UBAC2: variants seen among roughly 807,000 people sequenced by gnomAD.
UBAC2 encodes UBA domain containing 2.
Under a neutral mutation model 44.0 loss-of-function variants are expected in UBAC2, and 26 were observed. The ratio of observed to expected loss-of-function variants is 0.59; its 90% CI spans 0.43 to 0.82. The LOEUF is 0.82. UBAC2 is among the 40% of genes least tolerant of loss of function. The probability of loss-of-function intolerance (pLI) is 0.00; values close to 1 mark genes in which losing one functional copy is unlikely to be tolerated. For synonymous variants in UBAC2, 155 were observed against 154.3 expected, an observed-to-expected ratio of 1.00 and a Z score of -0.04; for missense variants, 329 against 419.4, an observed-to-expected ratio of 0.78 and a Z score of 1.88.
At chr13:99,330,458 CAAAA>C (rs59409181) in intron 6 of UBAC2, among the ~76,000 whole-genome samples, 18 of 46,024 alleles carry the variant, frequency 3.9e-4, no homozygotes, top group African/African-American at 8.9e-4. Flanking sequence ...GACGTCATCT[CAAAA>C]AAAAAAAAAA....
intron 7 of UBAC2, among the ~76,000 whole-genome samples, chr13:99,363,065 G>T (rs1043659085): frequency 4.6e-5 from 7 of 152,100 alleles, no homozygotes; most frequent in Non-Finnish European, 8.8e-5. Context: ...TTTGTGGGTG[G>T]TGTGAAGTAA....
At chr13:99,336,908 C>T (rs896993895) in intron 6 of UBAC2, among the ~76,000 whole-genome samples, 3 of 152,066 alleles carry the variant, frequency 2.0e-5, no homozygotes, top group East Asian at 1.9e-4. Context: ...ATGGTGCCCC[C>T]CTTCCTTCCC....
At chr13:99,305,510 C>T (rs752573805) in intron 4 of UBAC2, among the ~76,000 whole-genome samples, 1 of 152,174 alleles carries the variant, frequency 6.6e-6, no homozygotes. Context: ...ATGACTTGAT[C>T]TCATCCAACA....
chr13:99,324,449 C>G (rs1420051636), intron 6 of UBAC2, among the ~76,000 whole-genome samples: 1 of 152,158 alleles, frequency 6.6e-6, no homozygotes, highest in Non-Finnish European at 1.5e-5. Context: ...TCCTCAGACT[C>G]CAGAATGAAG....
chr13:99,337,522 G>A (rs1477642944), intron 6 of UBAC2, among the ~76,000 whole-genome samples: 1 of 152,116 alleles, frequency 6.6e-6, no homozygotes, highest in Non-Finnish European at 1.5e-5. Context: ...GGATCTAGAT[G>A]TAAATTTCGT....
At chr13:99,255,553 ATGCTTGGGTAAAACACTG>A (rs1566471182) in intron 4 of UBAC2, 3 of 1,614,080 alleles carry the variant, frequency 1.9e-6, no homozygotes, top group Non-Finnish European at 2.5e-6. Flanking sequence ...CCATAAAGCA[ATGCTTGGGTAAAACACTG>A]TGAGAGCTCC....
chr13:99,252,044 C>T (rs1275776043), intron 4 of UBAC2, among the ~76,000 whole-genome samples: 4 of 152,194 alleles, frequency 2.6e-5, no homozygotes, highest in South Asian at 2.1e-4. Context: ...ATTATAGGCA[C>T]GTGCTACCAT....
chr13:99,361,099 C>G (rs1443879748), intron 7 of UBAC2, among the ~76,000 whole-genome samples: 2 of 152,094 alleles, frequency 1.3e-5, no homozygotes, highest in Non-Finnish European at 2.9e-5. Flanking sequence ...TACTGCTCCT[C>G]GGTTGGGAAA....
At chr13:99,254,192 A>G (rs566863097) in intron 4 of UBAC2, among the ~76,000 whole-genome samples, 1 of 152,356 alleles carries the variant, frequency 6.6e-6, no homozygotes, top group Non-Finnish European at 1.5e-5. Context: ...GCATTTCACC[A>G]TATAGTAGAA....
At chr13:99,309,647 C>T in intron 4 of UBAC2, among the ~76,000 whole-genome samples, 1 of 152,194 alleles carries the variant, frequency 6.6e-6, no homozygotes, top group East Asian at 1.9e-4. Context: ...GTTGCCCAGG[C>T]TGGAGTGCAG....
intron 8 of UBAC2, among the ~76,000 whole-genome samples, chr13:99,368,618 C>T (rs907322585): frequency 6.6e-6 from 1 of 151,624 alleles, no homozygotes; most frequent in East Asian, 1.9e-4. Context: ...ATATATAAAG[C>T]AGGGAAAGGC....
intron 1 of UBAC2, among the ~76,000 whole-genome samples, chr13:99,218,715 G>A (rs369099228): frequency 2.3e-4 from 35 of 152,156 alleles, no homozygotes; most frequent in Non-Finnish European, 4.4e-4. Context: ...CTGATTGATG[G>A]ATGGCTTCCA....
intron 6 of UBAC2, among the ~76,000 whole-genome samples, chr13:99,333,854 C>T (rs887782176): frequency 1.5e-4 from 23 of 152,206 alleles, no homozygotes; most frequent in African/African-American, 4.8e-4. Context: ...TGGCCTCCCC[C>T]CCATAAATTA....
At chr13:99,266,941 A>G (rs969006967) in intron 4 of UBAC2, among the ~76,000 whole-genome samples, 1 of 152,086 alleles carries the variant, frequency 6.6e-6, no homozygotes, top group African/African-American at 2.4e-5. Flanking sequence ...GAATGGCTGT[A>G]TCGTTTTCCC....
intron 4 of UBAC2, among the ~76,000 whole-genome samples, chr13:99,285,311 GGTAGA>G (rs2044004538): frequency 1.3e-5 from 2 of 151,302 alleles, no homozygotes; most frequent in African/African-American, 4.9e-5. Context: ...TCCTCCCTTT[GGTAGA>G]GTATTTTTGT....
In UBAC2 at chr13:99,215,413, T is replaced by G. The variant is rs564593670; in HGVS notation, c.31+14474T>G. On this transcript the variant is annotated intron_variant, in intron 1 of 8. Transcript: ENST00000403766. Reference sequence around the variant, plus strand: ...TGTCCTTTCTTCCCAATCAGAGATTTGTGGATGTGTGGAATGACACCACCA... The same window carrying G: ...TGTCCTTTCTTCCCAATCAGAGATTGGTGGATGTGTGGAATGACACCACCA... 1.2e-4 allele frequency: 153 copies of G among 1,294,868 alleles called. 1 individual carries two copies. The highest frequency in any genetic ancestry group is 9.8e-4 in the South Asian group (83 of 84,640). The allele number at this position is 1,294,868 out of a possible 1,614,324, so 80.2% of individuals were successfully genotyped here. A position where few individuals can be genotyped will look rare whatever the true frequency, so the allele number is the denominator to read the frequency against.
chr13:99,211,761 C>T (rs1052744901), intron 1 of UBAC2, among the ~76,000 whole-genome samples: 12 of 152,164 alleles, frequency 7.9e-5, no homozygotes, highest in African/African-American at 1.7e-4. Flanking sequence ...AGTTTATCTC[C>T]GTGTGTCTCC....
At chr13:99,235,375 C>G (rs1030462841) in intron 1 of UBAC2, among the ~76,000 whole-genome samples, 1 of 151,900 alleles carries the variant, frequency 6.6e-6, no homozygotes, top group African/African-American at 2.4e-5. Flanking sequence ...TTTACAGATT[C>G]AATGCAATCC....
chr13:99,241,939 CTT>C (rs1284278896), intron 2 of UBAC2, among the ~76,000 whole-genome samples: 1 of 150,176 alleles, frequency 6.7e-6, no homozygotes, highest in Non-Finnish European at 1.5e-5. Context: ...GGTGATGACT[CTT>C]AAGGAGCATG....
Sources: allele counts gnomAD v4.1 joint callset (sites outside exome capture counted in the v4.1 genomes callset), GRCh38; gene constraint gnomAD v4.1.1; transcripts MANE v1.5; gene names NCBI Gene and HGNC (gene_info 2026-07-23, HGNC 2026-07-21).